The following SCN1B variants were observed in gnomAD, a reference collection of about 807,000 sequenced individuals.
SCN1B encodes sodium channel regulatory subunit beta-1.
SCN1B carries 11 observed loss-of-function variants against 25.7 expected under a neutral mutation model. The ratio of observed to expected loss-of-function variants is 0.43; its 90% CI spans 0.27 to 0.71. The LOEUF is 0.71. Ranked by LOEUF, SCN1B falls within the 30% of genes least tolerant of loss-of-function variation. The pLI is 0.21. For missense variants in SCN1B, 224 were observed against 291.5 expected, an observed-to-expected ratio of 0.77 and a Z score of 1.69; for synonymous variants, 119 against 117.5, an observed-to-expected ratio of 1.01 and a Z score of -0.08.
At chr19:35,033,946 A>C in intron 3 of SCN1B, 5 of 1,555,240 alleles carry the variant, frequency 3.2e-6, no homozygotes, top group Non-Finnish European at 4.4e-6. Flanking sequence ...AGGTCAAAGC[A>C]TGCCTGTCCC....
intron 3 of SCN1B, chr19:35,037,102 C>T (rs566513632): frequency 6.6e-6 from 1 of 152,188 alleles, no homozygotes; most frequent in African/African-American, 2.4e-5. Context: ...CAGTATTGCC[C>T]ATCGACCTAT....
In SCN1B at chr19:35,030,710, T is replaced by C; in HGVS notation, c.-111T>C. 3.9e-6 allele frequency: 1 copy of C among 256,356 alleles called. No homozygotes were observed. Among genetic ancestry groups the C allele is most frequent in the South Asian group, 5.3e-5 (1 of 19,042 alleles). The allele number at this position is 256,356 out of a possible 1,614,324, so 15.9% of individuals were successfully genotyped here. A position where few individuals can be genotyped will look rare whatever the true frequency, so the allele number is the denominator to read the frequency against. On this transcript the variant is annotated 5_prime_UTR_variant, in exon 1 of 6. Coordinates refer to ENST00000262631, the MANE Select transcript of SCN1B (RefSeq NM_001037.5). ...TCGCCGGTCCCAGAGCCGCAGCTGC[T>C]GCGCCCGCGCGCTCCCGGGGACATT...
rs1412880430 is a variant in SCN1B at position 35,040,299 on chromosome 19, G to A, written c.*508G>A. The A allele has an allele frequency of 5.9e-6, 1 of 169,188 alleles. No individual in the cohort carries two copies. Among genetic ancestry groups the A allele is most frequent in the East Asian group, 1.6e-4 (1 of 6,130 alleles). 10.5% of individuals were successfully genotyped at this position (169,188 alleles called of 1,614,324 possible). A position where few individuals can be genotyped will look rare whatever the true frequency, so the allele number is the denominator to read the frequency against. On this transcript the variant is annotated 3_prime_UTR_variant, in exon 6 of 6. Coordinates refer to ENST00000262631, the MANE Select transcript of SCN1B (RefSeq NM_001037.5). ...CTCCCGCTTCCTCCGGCTGGACCTG[G>A]GGTCCCCCCTCCCTGTAATGCACTC...
rs535122676 is a variant in SCN1B, at chr19:35,032,462, T to TG, written c.41-65dup. ...CATTGAGGGGGGAACAGATGGTTTG[T>TG]GAGGGGTCTGGCATTGCTTAGGGCA... is the stretch of plus-strand genomic sequence containing the variant. On this transcript the variant is annotated intron_variant, in intron 1 of 5. Transcript: ENST00000262631. The surrounding 1 kb of genome is among the most constrained non-coding windows in gnomAD (Gnocchi z 4.3). 5.0e-3 allele frequency: 7,949 copies of TG among 1,582,444 alleles called. 361 individuals are homozygous for TG. In the South Asian group the frequency reaches 0.079, roughly 16 times the overall value.
Position 35,032,621 on chromosome 19 carries a change from G to A in SCN1B, c.134G>A (p.Arg45His), listed in dbSNP as rs180943300. The A allele has an allele frequency of 1.9e-5, 30 of 1,614,126 alleles. No homozygotes were observed. The Admixed American group carries it at 2.7e-4, about 14-fold the overall frequency. Residue 45 changes from arginine to histidine, a missense_variant, in exon 2 of 6, where the codon CGC becomes CAC. This residue lies in a region of SCN1B where 126 missense variants were observed against 204.9 expected (regional missense o/e 0.61). Coordinates refer to ENST00000262631, the MANE Select transcript of SCN1B (RefSeq NM_001037.5). The surrounding 1 kb of genome is among the most constrained non-coding windows in gnomAD (Gnocchi z 4.3). ...TFKILCISCK[R>H]RSETNAETFT... is the part of the protein sequence containing the mutation. ...AAAATTCTTTGCATCTCCTGCAAGC[G>A]CCGCAGCGAGACCAACGCTGAGACC... is the stretch of plus-strand genomic sequence containing the variant.
Position 35,039,533 on chromosome 19 carries a change from A to C in SCN1B, c.591-102A>C, listed in dbSNP as rs1434253948. 4.2e-6 allele frequency: 5 copies of C among 1,188,838 alleles called. No homozygotes were observed. The African/African-American group carries it at 7.6e-5, about 18-fold the overall frequency. The allele number at this position is 1,188,838 out of a possible 1,614,324, so 73.6% of individuals were successfully genotyped here. ...AGACTCCTTCTCTCTCTAACTAAGGAGCCCTGTGTACCTGGGGTGGAGACC... is the reference window on the plus strand; with the variant it reads ...AGACTCCTTCTCTCTCTAACTAAGGCGCCCTGTGTACCTGGGGTGGAGACC... On this transcript the variant is annotated intron_variant, in intron 4 of 5. Coordinates refer to ENST00000262631, the MANE Select transcript of SCN1B (RefSeq NM_001037.5).
intron 5 of SCN1B, 25 bp from the exon 6 acceptor site, chr19:35,039,772 T>C (rs1297091126): frequency 3.3e-6 from 5 of 1,507,782 alleles, no homozygotes; most frequent in East Asian, 2.3e-5. Flanking sequence ...AGGTCCCTAA[T>C]TCCCCCTCTC....
At chr19:35,037,364 C>G (rs887389558) in intron 3 of SCN1B, 1 of 152,304 alleles carries the variant, frequency 6.6e-6, no homozygotes, top group South Asian at 2.1e-4. Context: ...GGTGAGAAAT[C>G]CGGCCTGCAG....
chr19:35,039,959 C>T lies in SCN1B; in HGVS notation c.*168C>T. The T allele has an allele frequency of 1.8e-6, 1 of 569,550 alleles. No individual in the cohort carries two copies. The highest frequency in any genetic ancestry group is 3.1e-6 in the Non-Finnish European group (1 of 317,800). 35.3% of individuals were successfully genotyped at this position (569,550 alleles called of 1,614,324 possible). ...GGGCAGGGGGCTTGGCTCGCACCCC[C>T]ACTTTCGCCTCCTCCAGCTCCTGCC... On this transcript the variant is annotated 3_prime_UTR_variant, in exon 6 of 6. Coordinates refer to ENST00000262631, the MANE Select transcript of SCN1B (RefSeq NM_001037.5).
intron 3 of SCN1B, chr19:35,035,094 G>C (rs1460077756): frequency 1.3e-5 from 2 of 152,202 alleles, no homozygotes; most frequent in Non-Finnish European, 2.9e-5. Flanking sequence ...AAAGATGCCT[G>C]CGGTACTGGG....
Position 35,039,182 on chromosome 19 carries a change from A to C in SCN1B, c.514A>C (p.Ile172Leu). The change falls in exon 4 of 6, where the codon ATA becomes CTA. Residue 172 changes from isoleucine (I) to leucine (L), a missense_variant. Coordinates refer to ENST00000262631, the MANE Select transcript of SCN1B (RefSeq NM_001037.5). ...GTATGTGCTCATTGTGGTGTTGACC[A>C]TATGGCTCGTGGCAGAGATGATTTA... Reference protein sequence around the residue: ...MMYVLIVVLTIWLVAEMIYCY... With the variant: ...MMYVLIVVLTLWLVAEMIYCY... The C allele has an allele frequency of 2.5e-6, 4 of 1,614,232 alleles. No homozygotes were observed. Among genetic ancestry groups the C allele is most frequent in the Non-Finnish European group, 3.4e-6 (4 of 1,180,032 alleles).
rs764232681 is a variant in SCN1B, at chr19:35,033,529, C to T, written c.238C>T (p.Leu80=). 3 of 1,614,038 alleles carry T rather than the reference C, an allele frequency of 1.9e-6. No homozygotes were observed. The highest frequency in any genetic ancestry group is 1.7e-6 in the Non-Finnish European group (2 of 1,179,972). ...ILRYENEVLQ[L]EEDERFEGRV... is the part of the protein sequence containing the mutation. ...GCGCTATGAGAATGAGGTGTTGCAG[C>T]TGGAGGAGGATGAGCGCTTCGAGGG... The change falls in exon 3 of 6, where the codon CTG becomes TTG. Residue 80 remains leucine (L), a synonymous_variant. Transcript: ENST00000262631.
In SCN1B at chr19:35,032,707, C is replaced by G. The variant is rs373809858; in HGVS notation, c.207+13C>G. On this transcript the variant is annotated intron_variant, in intron 2 of 5. Transcript: ENST00000262631. This position sits in a 1 kb window ranked among gnomAD's most constrained non-coding sequence, Gnocchi z 4.3. ...GGAGTTTGTCAAGGTGTGCGGGTGCCGGGAACGGGCATGGGAGGGCAGGGG... is the reference window on the plus strand; with the variant it reads ...GGAGTTTGTCAAGGTGTGCGGGTGCGGGGAACGGGCATGGGAGGGCAGGGG... 21 of 1,612,900 alleles carry G rather than the reference C, an allele frequency of 1.3e-5. No individual in the cohort carries two copies. The African/African-American group carries it at 2.3e-4, about 17-fold the overall frequency.
chr19:35,032,651 C>T lies in SCN1B; in HGVS notation c.164C>T (p.Thr55Ile). The T allele has an allele frequency of 6.2e-7, 1 of 1,614,118 alleles. No individual in the cohort carries two copies. Among genetic ancestry groups the T allele is most frequent in the Non-Finnish European group, 8.5e-7 (1 of 1,180,046 alleles). ...AGCGAGACCAACGCTGAGACCTTCA[C>T]CGAGTGGACCTTCCGCCAGAAGGGC... ...RRSETNAETF[T>I]EWTFRQKGTE... is the part of the protein sequence containing the mutation. Residue 55 changes from threonine (T) to isoleucine (I), a missense_variant, in exon 2 of 6, where the codon ACC becomes ATC. Thr to Ile is a moderately conservative substitution (Grantham distance 89). This residue lies in a region of SCN1B where 126 missense variants were observed against 204.9 expected (regional missense o/e 0.61). Transcript: ENST00000262631. This position sits in a 1 kb window ranked among gnomAD's most constrained non-coding sequence, Gnocchi z 4.3.
chr19:35,039,417 A>T (rs1328032200), intron 4 of SCN1B, 159 bp downstream of exon 4: 2 of 1,102,982 alleles, frequency 1.8e-6, no homozygotes, highest in Non-Finnish European at 1.3e-6. Flanking sequence ...GACACAGGAT[A>T]GGGGTCGTCA....
Position 35,039,326 on chromosome 19 carries a change from G to A in SCN1B, c.590+68G>A, listed in dbSNP as rs146719086. 681 of 1,599,186 alleles carry A rather than the reference G, an allele frequency of 4.3e-4. 7 individuals carry two copies. The African/African-American group carries it at 8.2e-3, about 19-fold the overall frequency. On this transcript the variant is annotated intron_variant, in intron 4 of 5. Coordinates refer to ENST00000262631, the MANE Select transcript of SCN1B (RefSeq NM_001037.5). ...GTCACACTTGCCAGAGAGGAACTCC[G>A]GAGCCCGGGCAGGGAGGAGGCAGCG...
At chr19:35,036,732 C>CTATTATTATTATTATTAT (rs145478893) in intron 3 of SCN1B, 2 of 144,492 alleles carry the variant, frequency 1.4e-5, no homozygotes, top group South Asian at 2.3e-4. Flanking sequence ...CATGCCCAGC[C>CTATTATTATTATTATTAT]TATTATTATT....
intron 3 of SCN1B, chr19:35,038,472 T>G (rs1473373824): frequency 6.2e-6 from 1 of 161,362 alleles, no homozygotes; most frequent in South Asian, 1.7e-4. Flanking sequence ...CCAGCAACCC[T>G]GTGAGAGGGT....
At chr19:35,034,329 C>T in intron 3 of SCN1B, 1 of 669,560 alleles carries the variant, frequency 1.5e-6, no homozygotes, top group South Asian at 1.9e-5. Flanking sequence ...CAGTCTCACT[C>T]AACACCTCTG....
Sources: allele counts gnomAD v4.1 joint callset, GRCh38; gene constraint gnomAD v4.1.1; regional missense constraint gnomAD v4.1.1; non-coding constraint Gnocchi (gnomAD v3.1); transcripts MANE v1.5; gene names NCBI Gene and HGNC (gene_info 2026-07-23, HGNC 2026-07-21).